The following TBC1D4 variants were observed in gnomAD, a reference collection of about 807,000 sequenced individuals.
TBC1D4 encodes the protein TBC1 domain family member 4.
A neutral mutation model predicts 142.5 loss-of-function variants in TBC1D4; 121 were observed. The ratio of observed to expected loss-of-function variants is 0.85; its 90% CI spans 0.73 to 0.99. The LOEUF (loss-of-function observed/expected upper bound fraction) is 0.99. TBC1D4 is among the 50% of genes least tolerant of loss of function. The pLI is 0.00. For synonymous variants in TBC1D4, 630 were observed against 628.2 expected (o/e 1.00, Z -0.04); for missense variants, 1,475 against 1,606.6 (o/e 0.92, Z 1.40).
At chr13:75,470,163 A>AT (rs201304790) in intron 1 of TBC1D4, among the ~76,000 whole-genome samples, 19 of 151,684 alleles carry the variant, frequency 1.3e-4, no homozygotes, top group Middle Eastern at 3.4e-3. Flanking sequence ...GGGGTTATCA[A>AT]TTTTTTTTTC....
At chr13:75,438,676 A>C (rs1886903629) in intron 1 of TBC1D4, among the ~76,000 whole-genome samples, 1 of 152,228 alleles carries the variant, frequency 6.6e-6, no homozygotes, top group African/African-American at 2.4e-5. Context: ...TCATGCAGAA[A>C]CATGGTGTGT....
Position 75,481,360 on chromosome 13 carries a change from G to T in TBC1D4, c.408C>A (p.Leu136=), listed in dbSNP as rs1193956746. 3 of 1,613,958 alleles carry T rather than the reference G, an allele frequency of 1.9e-6. No individual in the cohort carries two copies. The South Asian group carries it at 3.3e-5, about 18-fold the overall frequency. Residue 136 remains leucine, a synonymous_variant, in exon 1 of 21, where the codon CTC becomes CTA. Coordinates refer to ENST00000377636, the MANE Select transcript of TBC1D4 (RefSeq NM_014832.5). ...ISRFIHNSHD[L]TYFAYLIKAQ... ...CCTTGATCAGGTAGGCAAAGTAGGT[G>T]AGGTCGTGGCTGTTGTGGATGAAGC...
At chr13:75,478,245 G>A (rs1456810982) in intron 1 of TBC1D4, among the ~76,000 whole-genome samples, 2 of 152,090 alleles carry the variant, frequency 1.3e-5, no homozygotes, top group Non-Finnish European at 1.5e-5. Flanking sequence ...CTTTGCCATG[G>A]TGACCATATA....
At chr13:75,341,865 A>G (rs1593758489) in intron 5 of TBC1D4, among the ~76,000 whole-genome samples, 1 of 152,156 alleles carries the variant, frequency 6.6e-6, no homozygotes. Flanking sequence ...TGTAATCCCA[A>G]CACTTTGGGA....
At chr13:75,324,967 C>A (rs938380323) in intron 10 of TBC1D4, among the ~76,000 whole-genome samples, 2 of 152,144 alleles carry the variant, frequency 1.3e-5, no homozygotes, top group African/African-American at 4.8e-5. Context: ...CTAGAAGATT[C>A]TTTGCATAGC....
rs188565715 is a variant in TBC1D4 at position 75,362,965 on chromosome 13, C to T, written c.499-358G>A. Among the ~76,000 whole-genome samples, 181 of 152,194 alleles carry T rather than the reference C, an allele frequency of 1.2e-3. No homozygotes were observed. The highest frequency in any genetic ancestry group is 2.9e-3 in the Admixed American group (45 of 15,286). ...CCTCAGCTGAAAGGAACCAAAGTTC[C>T]AACCATGAGGACAAAATAACCTTTT... On this transcript the variant is annotated intron_variant, in intron 1 of 20. Coordinates refer to ENST00000377636, the MANE Select transcript of TBC1D4 (RefSeq NM_014832.5). This position sits in a 1 kb window ranked among gnomAD's most constrained non-coding sequence, Gnocchi z 4.2.
chr13:75,472,129 A>C (rs1400303398), intron 1 of TBC1D4, among the ~76,000 whole-genome samples: 1 of 151,146 alleles, frequency 6.6e-6, no homozygotes, highest in Non-Finnish European at 1.5e-5. Context: ...AAAAAAAAGA[A>C]AAGAAATATG....
Position 75,426,442 on chromosome 13 carries a change from C to G in TBC1D4, c.498+54828G>C, listed in dbSNP as rs147060716. Among the ~76,000 whole-genome samples, 1,421 of 152,316 alleles carry G rather than the reference C, an allele frequency of 9.3e-3. 27 individuals carry two copies. The highest frequency in any genetic ancestry group is 0.033 in the African/African-American group (1,374 of 41,580). On this transcript the variant is annotated intron_variant, in intron 1 of 20. Coordinates refer to ENST00000377636, the MANE Select transcript of TBC1D4 (RefSeq NM_014832.5). Reference sequence around the variant, plus strand: ...GCTAATAAATGGGAGGAGGTCAACCCTATTTGTTATTGGCTATATCAAAGA... The same window carrying G: ...GCTAATAAATGGGAGGAGGTCAACCGTATTTGTTATTGGCTATATCAAAGA...
chr13:75,402,274 C>A (rs79860826), intron 1 of TBC1D4, among the ~76,000 whole-genome samples: 2 of 152,262 alleles, frequency 1.3e-5, no homozygotes, highest in African/African-American at 2.4e-5. Context: ...TCTTAATATA[C>A]AACAAGGTGT....
At position 75,300,928 on chromosome 13, in the gene TBC1D4, A is replaced by G. The variant is rs150002311; in HGVS notation, c.2911+1315T>C. 3.6e-3 allele frequency among the ~76,000 whole-genome samples: 545 copies of G among 152,316 alleles called. 2 individuals carry two copies. Among genetic ancestry groups the G allele is most frequent in the African/African-American group, 0.012 (514 of 41,564 alleles). Reference sequence around the variant, plus strand: ...GTCTAAGACCACAATTAGTGGCACAATCAGCACAAAAACTCATTTTCAGTT... The same window carrying G: ...GTCTAAGACCACAATTAGTGGCACAGTCAGCACAAAAACTCATTTTCAGTT... On this transcript the variant is annotated intron_variant, in intron 16 of 20. Coordinates refer to ENST00000377636, the MANE Select transcript of TBC1D4 (RefSeq NM_014832.5).
intron 3 of TBC1D4, among the ~76,000 whole-genome samples, chr13:75,358,756 G>A (rs7992802): frequency 0.44 from 67,591 of 151,910 alleles, 16,323 homozygotes; most frequent in South Asian, 0.66. Flanking sequence ...CCCAGCTACT[G>A]GAGAGGCTAA....
At chr13:75,340,569 C>A (rs1880599579) in intron 7 of TBC1D4, among the ~76,000 whole-genome samples, 1 of 151,926 alleles carries the variant, frequency 6.6e-6, no homozygotes, top group South Asian at 2.1e-4. Context: ...ACTATTAATG[C>A]TTTTTTTTAA....
At chr13:75,390,285 A>AAAAC (rs950036278) in intron 1 of TBC1D4, among the ~76,000 whole-genome samples, 3 of 151,438 alleles carry the variant, frequency 2.0e-5, no homozygotes, top group African/African-American at 7.3e-5. Context: ...GTCAAAAAAA[A>AAAAC]AAAAAAAAAC....
chr13:75,316,695 A>C (rs752213713), intron 12 of TBC1D4: 2 of 152,204 alleles, frequency 1.3e-5, no homozygotes, highest in Non-Finnish European at 2.9e-5. Context: ...TTAAGGTGGC[A>C]ATTGCAAGAA....
intron 1 of TBC1D4, among the ~76,000 whole-genome samples, chr13:75,458,028 T>C (rs1887811482): frequency 6.6e-6 from 1 of 152,110 alleles, no homozygotes; most frequent in African/African-American, 2.4e-5. Context: ...GTAGTTGCCG[T>C]TCATGGATGG....
At chr13:75,402,593 G>C (rs1417808428) in intron 1 of TBC1D4, among the ~76,000 whole-genome samples, 3 of 148,028 alleles carry the variant, frequency 2.0e-5, no homozygotes, top group Non-Finnish European at 4.5e-5. Context: ...CATTTTACTT[G>C]GTACATACAC....
intron 1 of TBC1D4, among the ~76,000 whole-genome samples, chr13:75,437,939 A>C (rs1486089292): frequency 1.3e-5 from 2 of 152,186 alleles, no homozygotes; most frequent in African/African-American, 4.8e-5. Flanking sequence ...GTTTTTTAAA[A>C]TCCTTTAGAT....
At chr13:75,409,009 A>C (rs935749127) in intron 1 of TBC1D4, among the ~76,000 whole-genome samples, 1 of 149,420 alleles carries the variant, frequency 6.7e-6, no homozygotes, top group Non-Finnish European at 1.5e-5. Context: ...TCCCTCTGAT[A>C]TATGATTGTG....
intron 1 of TBC1D4, among the ~76,000 whole-genome samples, chr13:75,373,869 T>C (rs774060141): frequency 1.3e-5 from 2 of 152,162 alleles, no homozygotes; most frequent in Non-Finnish European, 2.9e-5. Context: ...CCTCCCCTTC[T>C]CTTGCATGGG....
Sources: allele counts gnomAD v4.1 joint callset (sites outside exome capture counted in the v4.1 genomes callset), GRCh38; gene constraint gnomAD v4.1.1; non-coding constraint Gnocchi (gnomAD v3.1); transcripts MANE v1.5; gene names NCBI Gene and HGNC (gene_info 2026-07-23, HGNC 2026-07-21).